NPAS3: variants seen among roughly 807,000 people sequenced by gnomAD.
NPAS3 encodes the protein neuronal PAS domain-containing protein 3.
A neutral mutation model predicts 73.1 loss-of-function variants in NPAS3; 14 were observed. The ratio of observed to expected loss-of-function variants is 0.19; its 90% CI spans 0.13 to 0.30. NPAS3 has a LOEUF of 0.30. NPAS3 is among the 10% of genes least tolerant of loss of function. The pLI is 1.00. For synonymous variants in NPAS3, 620 were observed against 541.5 expected, an observed-to-expected ratio of 1.14 and a Z score of -2.01; for missense variants, 1,096 against 1,250.0, an observed-to-expected ratio of 0.88 and a Z score of 1.86.
chr14:33,375,710 C>T (rs1419392234), intron 4 of NPAS3, among the ~76,000 whole-genome samples: 1 of 152,136 alleles, frequency 6.6e-6, no homozygotes, highest in Non-Finnish European at 1.5e-5. Flanking sequence ...AAGATATCAG[C>T]ATTGGCATTT....
intron 3 of NPAS3, among the ~76,000 whole-genome samples, chr14:33,339,743 G>A (rs541944867): frequency 3.3e-5 from 5 of 152,264 alleles, no homozygotes; most frequent in African/African-American, 1.2e-4. Context: ...ATCAAGTGGT[G>A]TTTGTCTTTA....
intron 4 of NPAS3, among the ~76,000 whole-genome samples, chr14:33,485,682 C>G (rs955032139): frequency 6.6e-6 from 1 of 152,116 alleles, no homozygotes; most frequent in Non-Finnish European, 1.5e-5. Flanking sequence ...CAGTTTTCTA[C>G]GTACTATATA....
chr14:33,762,185 T>C (rs1030900930), intron 7 of NPAS3, among the ~76,000 whole-genome samples: 5 of 152,230 alleles, frequency 3.3e-5, no homozygotes, highest in African/African-American at 1.2e-4. Flanking sequence ...GACAACTGTA[T>C]TGTATGCTAA....
intron 1 of NPAS3, among the ~76,000 whole-genome samples, chr14:32,976,570 G>A (rs754960601): frequency 1.3e-5 from 2 of 152,124 alleles, no homozygotes; most frequent in African/African-American, 2.4e-5. Context: ...TTTGGAGGAC[G>A]CTGCTTTAAA....
intron 4 of NPAS3, among the ~76,000 whole-genome samples, chr14:33,533,865 A>G (rs908213995): frequency 1.3e-5 from 2 of 152,150 alleles, no homozygotes; most frequent in African/African-American, 4.8e-5. Context: ...TATACATATC[A>G]CATGTCATAT....
chr14:33,372,048 T>TA (rs2046112816), intron 4 of NPAS3, among the ~76,000 whole-genome samples: 1 of 152,076 alleles, frequency 6.6e-6, no homozygotes, highest in South Asian at 2.1e-4. Context: ...AAGACAATGG[T>TA]AATAAGAGGA....
chr14:33,718,527 T>C (rs538112347), intron 6 of NPAS3, among the ~76,000 whole-genome samples: 2 of 152,326 alleles, frequency 1.3e-5, no homozygotes, highest in South Asian at 2.1e-4. Flanking sequence ...ATCATGTTGA[T>C]GATAGCATAA....
chr14:33,013,780 T>C (rs1028805791), intron 1 of NPAS3, among the ~76,000 whole-genome samples: 1 of 152,162 alleles, frequency 6.6e-6, no homozygotes, highest in African/African-American at 2.4e-5. Flanking sequence ...GTATTTTGTT[T>C]TTATAAACAA....
At chr14:33,381,399 C>G (rs1033782861) in intron 4 of NPAS3, among the ~76,000 whole-genome samples, 3 of 152,156 alleles carry the variant, frequency 2.0e-5, no homozygotes, top group Admixed American at 2.0e-4. Context: ...TATTTTTTAA[C>G]TAGGAATTGG....
rs186153620 is a variant in NPAS3 at position 33,340,546 on chromosome 14, T to C, written c.386-26640T>C. On this transcript the variant is annotated intron_variant, in intron 3 of 11. Coordinates refer to ENST00000356141, the Ensembl canonical transcript of NPAS3. The stretch of plus-strand genomic sequence containing the variant: ...GTGTAACCATTTTATATTTTGTTAA[T>C]TTATTAGTTATTAACACTGCCCACT... 2.0e-3 allele frequency among the ~76,000 whole-genome samples: 309 copies of C among 152,356 alleles called. 1 individual carries two copies. The highest frequency in any genetic ancestry group is 7.2e-3 in the African/African-American group (299 of 41,586).
At chr14:33,265,616 G>A (rs528337345) in intron 3 of NPAS3, among the ~76,000 whole-genome samples, 42 of 152,194 alleles carry the variant, frequency 2.8e-4, no homozygotes, top group African/African-American at 9.6e-4. Flanking sequence ...CAGTACTAGC[G>A]GGGAAGTACT....
At chr14:33,171,598 A>G (rs907386849) in intron 2 of NPAS3, among the ~76,000 whole-genome samples, 1 of 152,144 alleles carries the variant, frequency 6.6e-6, no homozygotes, top group Admixed American at 6.5e-5. Context: ...CTTGCTCTGG[A>G]TTAGGTTTTG....
At chr14:33,230,335 C>CT (rs2047801485) in intron 3 of NPAS3, among the ~76,000 whole-genome samples, 1 of 152,158 alleles carries the variant, frequency 6.6e-6, no homozygotes, top group East Asian at 1.9e-4. Context: ...TCAGATCTGT[C>CT]CTCTGTGCTC....
intron 4 of NPAS3, among the ~76,000 whole-genome samples, chr14:33,470,933 T>A (rs1323793101): frequency 9.9e-5 from 14 of 140,858 alleles, no homozygotes; most frequent in East Asian, 4.2e-4. Flanking sequence ...AGAGCATATT[T>A]AAAAAAAAAA....
chr14:33,353,084 G>GA (rs997316000), intron 3 of NPAS3, among the ~76,000 whole-genome samples: 28 of 146,338 alleles, frequency 1.9e-4, no homozygotes, highest in African/African-American at 6.3e-4. Context: ...TGAAATTCCA[G>GA]AAAAAAAAAT....
chr14:33,046,674 G>T (rs1276584986), intron 1 of NPAS3, among the ~76,000 whole-genome samples: 1 of 152,102 alleles, frequency 6.6e-6, no homozygotes, highest in Non-Finnish European at 1.5e-5. Flanking sequence ...TTCCAGCAGG[G>T]TATATAAGAA....
chr14:33,658,575 T>C lies in NPAS3; in HGVS notation c.559-17636T>C, dbSNP rs78708530. Among the ~76,000 whole-genome samples the C allele has an allele frequency of 6.9e-3, 1,048 of 152,212 alleles. 11 individuals carry two copies. The highest frequency in any genetic ancestry group is 0.024 in the African/African-American group (992 of 41,508). On this transcript the variant is annotated intron_variant, in intron 5 of 11. Transcript: ENST00000356141. ...ATAAAACACACCAGTATAGAGCTGC[T>C]CTAGTTGGAAAGTGAGAGAGAGAGG...
chr14:33,289,150 AAG>A (rs1210225045), intron 3 of NPAS3, among the ~76,000 whole-genome samples: 2 of 152,308 alleles, frequency 1.3e-5, no homozygotes, highest in East Asian at 3.9e-4. Context: ...CTTATAATCC[AAG>A]AGGCACGCAT....
chr14:33,403,740 C>T (rs573648033), intron 4 of NPAS3, among the ~76,000 whole-genome samples: 3 of 152,206 alleles, frequency 2.0e-5, no homozygotes, highest in Admixed American at 2.0e-4. Flanking sequence ...GCAGGACATA[C>T]CTTCATGAAT....
Sources: allele counts gnomAD v4.1 joint callset (sites outside exome capture counted in the v4.1 genomes callset), GRCh38; gene constraint gnomAD v4.1.1; transcripts MANE v1.5; gene names NCBI Gene and HGNC (gene_info 2026-07-23, HGNC 2026-07-21).